Variants in ZNF778 observed in about 807,000 individuals in gnomAD.
ZNF778 encodes zinc finger protein 778.
Under a neutral mutation model 23.9 loss-of-function variants are expected in ZNF778, and 37 were observed. The observed-to-expected ratio is 1.54, with a 90% CI of 1.19 to 2.03. The LOEUF (loss-of-function observed/expected upper bound fraction) is 2.03, where lower values mean the gene tolerates loss of function less well. Among genes scored for constraint, ZNF778 ranks in the 30% most tolerant of loss-of-function variants. The probability of loss-of-function intolerance (pLI) is 0.00; values close to 1 mark genes in which losing one functional copy is unlikely to be tolerated. For synonymous variants in ZNF778, 483 were observed against 343.9 expected (o/e 1.40, Z -4.48); for missense variants, 1,297 against 934.4 (o/e 1.39, Z -5.06).
rs770138578 is a variant in ZNF778 at position 89,227,593 on chromosome 16, C to A, written c.1305C>A (p.Gly435=). The A allele has an allele frequency of 1.9e-6, 3 of 1,613,980 alleles. No individual in the cohort carries two copies. The African/African-American group carries it at 4.0e-5, about 22-fold the overall frequency. Residue 435 remains glycine (G), a synonymous_variant, in exon 7 of 7, where the codon GGC becomes GGA. Coordinates refer to ENST00000433976, the MANE Select transcript of ZNF778 (RefSeq NM_001201407.2). ...YCGKAFTVRC[G]LTRHVRTHTG... ...GGAAGGCCTTCACTGTGCGCTGTGG[C>A]CTTACTAGACACGTACGAACACACA...
intron 3 of ZNF778, 82 bp from the exon 4 acceptor site, chr16:89,223,075 G>A (rs905396276): frequency 4.6e-6 from 7 of 1,522,116 alleles, no homozygotes; most frequent in Non-Finnish European, 6.2e-6. Context: ...AGTCCCATAG[G>A]CGTAGGGCCC....
intron 2 of ZNF778, among the ~76,000 whole-genome samples, 168 bp downstream of exon 2, chr16:89,221,320 C>T (rs1420726739): frequency 6.6e-6 from 1 of 152,162 alleles, no homozygotes; most frequent in Non-Finnish European, 1.5e-5. Context: ...AGGGTGTGTG[C>T]TTTGGGGAGG....
chr16:89,228,566 A>G lies in ZNF778; in HGVS notation c.*4A>G, dbSNP rs558742864. The G allele has an allele frequency of 1.2e-5, 18 of 1,563,648 alleles. No homozygotes were observed. The highest frequency in any genetic ancestry group is 2.7e-5 in the African/African-American group (2 of 72,958). On this transcript the variant is annotated 3_prime_UTR_variant, in exon 7 of 7. Transcript: ENST00000433976. ...CACTGATGAGAAACCTTTCTAATGT[A>G]AAGAATGTGGGGAAGCTGTCAGCTA...
chr16:89,224,267 A>G (rs1429136909), intron 4 of ZNF778, among the ~76,000 whole-genome samples: 1 of 151,892 alleles, frequency 6.6e-6, no homozygotes, highest in African/African-American at 2.4e-5. Context: ...GCAGTGGCTC[A>G]TGCCTGTAAT....
chr16:89,218,214 C>G (rs1045161942), intron 1 of ZNF778: 2 of 152,224 alleles, frequency 1.3e-5, no homozygotes, highest in African/African-American at 4.8e-5. Context: ...TTTCGACTAA[C>G]TGTATTTTTT....
intron 2 of ZNF778, among the ~76,000 whole-genome samples, chr16:89,221,814 G>T (rs1200818630): frequency 6.6e-6 from 1 of 150,862 alleles, no homozygotes; most frequent in African/African-American, 2.4e-5. Flanking sequence ...CTCAGGCAGT[G>T]TATGGCTGTG....
At position 89,222,133 on chromosome 16, in the gene ZNF778, C is replaced by G; in HGVS notation, c.67C>G (p.Gln23Glu). The G allele has an allele frequency of 6.2e-7, 1 of 1,605,768 alleles. No individual in the cohort carries two copies. The highest frequency in any genetic ancestry group is 8.5e-7 in the Non-Finnish European group (1 of 1,175,022). Residue 23 changes from glutamine to glutamate, a missense_variant, in exon 3 of 7, where the codon CAG (glutamine) becomes GAG (glutamate). Physicochemically the swap from Gln to Glu is conservative, Grantham distance 29. Transcript: ENST00000433976. ...GGACTCAGTCTGCCTTCATGAAGAACAGACACAGGCAGCAGGGATGGTGGC... is the reference window on the plus strand; with the variant it reads ...GGACTCAGTCTGCCTTCATGAAGAAGAGACACAGGCAGCAGGGATGGTGGC... ...SRDSVCLHEE[Q>E]TQAAGMVAGW... is the part of the protein sequence containing the mutation.
In ZNF778 at chr16:89,227,992, A is replaced by C; in HGVS notation, c.1704A>C (p.Lys568Asn). The stretch of plus-strand genomic sequence containing the variant: ...CCTTTATATGTACGGTATGCAGGAA[A>C]TCCTTCAGAAATTCCTCGTGCCTGA... Reference protein sequence around the residue: ...EKPFICTVCRKSFRNSSCLNK... With the variant: ...EKPFICTVCRNSFRNSSCLNK... The change falls in exon 7 of 7, where the codon AAA becomes AAC. Residue 568 changes from lysine (K) to asparagine (N), a missense_variant. Transcript: ENST00000433976. The C allele has an allele frequency of 6.3e-7, 1 of 1,589,448 alleles. No individual in the cohort carries two copies. Among genetic ancestry groups the C allele is most frequent in the East Asian group, 2.3e-5 (1 of 43,480 alleles).
chr16:89,220,059 C>G (rs1373970756), intron 1 of ZNF778, among the ~76,000 whole-genome samples: 1 of 152,200 alleles, frequency 6.6e-6, no homozygotes, highest in Non-Finnish European at 1.5e-5. Flanking sequence ...TGAGTGCAGT[C>G]TGAGGGTCAG....
chr16:89,226,659 T>G (rs771331135), intron 6 of ZNF778, 35 bp from the exon 7 acceptor site: 18 of 1,559,956 alleles, frequency 1.2e-5, no homozygotes, highest in Non-Finnish European at 1.3e-5. Context: ...TCAGCCTCAG[T>G]AACCCCCTGA....
Position 89,227,370 on chromosome 16 carries a change from G to A in ZNF778, c.1082G>A (p.Gly361Glu). The A allele has an allele frequency of 6.2e-7, 1 of 1,613,974 alleles. No individual in the cohort carries two copies. Among genetic ancestry groups the A allele is most frequent in the Non-Finnish European group, 8.5e-7 (1 of 1,179,862 alleles). ...GLSKHVQTDP[G>E]QKPYECKDCG... is the part of the protein sequence containing the mutation. ...TCTAAACACGTCCAAACAGACCCTGGACAGAAGCCCTATGAATGTAAGGAC... is the reference window on the plus strand; with the variant it reads ...TCTAAACACGTCCAAACAGACCCTGAACAGAAGCCCTATGAATGTAAGGAC... Residue 361 changes from glycine (G) to glutamate (E), a missense_variant, in exon 7 of 7, where the codon GGA (glycine) becomes GAA (glutamate). Gly to Glu is a moderately conservative substitution (Grantham distance 98). Transcript: ENST00000433976.
intron 2 of ZNF778, among the ~76,000 whole-genome samples, chr16:89,221,583 CTGTGTGTGTGTGTGTG>C (rs35503385): frequency 1.4e-5 from 2 of 141,410 alleles, no homozygotes; most frequent in Non-Finnish European, 1.5e-5. Flanking sequence ...CACTGTATGG[CTGTGTGTGTGTGTGTG>C]TGTGTGTGTG....
chr16:89,227,270 G>GT lies in ZNF778; in HGVS notation c.983dup (p.Arg329LysfsTer10). 6.2e-7 allele frequency: 1 copy of GT among 1,613,976 alleles called. No individual in the cohort carries two copies. The highest frequency in any genetic ancestry group is 8.5e-7 in the Non-Finnish European group (1 of 1,179,866). Reference sequence around the variant, plus strand: ...TGTTTCTTCCAGCCTAACTCAACATGTAAGAATTCATGCTGCAGAGAAACC... The same window carrying GT: ...TGTTTCTTCCAGCCTAACTCAACATGTTAAGAATTCATGCTGCAGAGAAACC... On this transcript the variant is annotated frameshift_variant, in exon 7 of 7. Coordinates refer to ENST00000433976, the MANE Select transcript of ZNF778 (RefSeq NM_001201407.2). LOFTEE classifies it low-confidence loss of function (END_TRUNC).
chr16:89,224,052 C>G (rs547222284), intron 4 of ZNF778, among the ~76,000 whole-genome samples: 49 of 149,202 alleles, frequency 3.3e-4, no homozygotes, highest in Non-Finnish European at 6.4e-4. Flanking sequence ...TGGCTTAGGG[C>G]TGTAATCCGA....
chr16:89,220,508 A>G (rs2030824006), intron 1 of ZNF778, among the ~76,000 whole-genome samples: 1 of 152,176 alleles, frequency 6.6e-6, no homozygotes, highest in Admixed American at 6.5e-5. Context: ...ATACAAAAAA[A>G]TTAGCTGGGT....
intron 2 of ZNF778, among the ~76,000 whole-genome samples, 157 bp downstream of exon 2, chr16:89,221,309 C>A (rs2030917058): frequency 6.6e-6 from 1 of 152,144 alleles, no homozygotes; most frequent in South Asian, 2.1e-4. Flanking sequence ...AAGTCAGCCC[C>A]AGGGTGTGTG....
chr16:89,222,255 C>T, intron 3 of ZNF778, 72 bp downstream of exon 3: 1 of 1,237,432 alleles, frequency 8.1e-7, no homozygotes, highest in Non-Finnish European at 1.1e-6. Flanking sequence ...TCTGTCTGAG[C>T]AGACTTGTCT....
Position 89,233,912 on chromosome 16 carries a change from C to A in ZNF778, c.*5350C>A, listed in dbSNP as rs536065757. On this transcript the variant is annotated 3_prime_UTR_variant, in exon 7 of 7. Transcript: ENST00000433976. ...TCCCTGAAGTCAGCCCAGGATGAGG[C>A]ACTAGACAGCAGGACATGCTGTATG... 4 of 1,289,382 alleles carry A rather than the reference C, an allele frequency of 3.1e-6. No homozygotes were observed. The East Asian group carries it at 2.2e-4, about 72-fold the overall frequency. The allele number at this position is 1,289,382 out of a possible 1,614,324, so 79.9% of individuals were successfully genotyped here. A position where few individuals can be genotyped will look rare whatever the true frequency, so the allele number is the denominator to read the frequency against.
In ZNF778 at chr16:89,233,842, G is replaced by A. The variant is rs550492296; in HGVS notation, c.*5280G>A. The A allele has an allele frequency of 2.6e-4, 331 of 1,289,964 alleles. 5 individuals are homozygous for A. In the South Asian group the frequency reaches 3.4e-3, roughly 13 times the overall value. The allele number at this position is 1,289,964 out of a possible 1,614,324, so 79.9% of individuals were successfully genotyped here. On this transcript the variant is annotated 3_prime_UTR_variant, in exon 7 of 7. Coordinates refer to ENST00000433976, the MANE Select transcript of ZNF778 (RefSeq NM_001201407.2). ...TCAACTGTTGCAAGTACTTATTTCC[G>A]GCCACTTCCTTTTTCTAACTACCAC...
Sources: allele counts gnomAD v4.1 joint callset (sites outside exome capture counted in the v4.1 genomes callset), GRCh38; gene constraint gnomAD v4.1.1; transcripts MANE v1.5; gene names NCBI Gene and HGNC (gene_info 2026-07-23, HGNC 2026-07-21).